The following BNC2 variants were observed in gnomAD, a reference collection of about 807,000 sequenced individuals.
BNC2 encodes the protein zinc finger protein basonuclin-2.
Under a neutral mutation model 76.3 loss-of-function variants are expected in BNC2, and 20 were observed. The ratio of observed to expected loss-of-function variants is 0.26; its 90% CI spans 0.18 to 0.38. BNC2 has a LOEUF of 0.38. BNC2 is among the 10% of genes least tolerant of loss of function. The pLI is 1.00. For synonymous variants in BNC2, 582 were observed against 514.8 expected (o/e 1.13, Z -1.77); for missense variants, 1,382 against 1,399.8 (o/e 0.99, Z 0.20).
chr9:16,489,864 CA>C, intron 5 of BNC2, among the ~76,000 whole-genome samples: 1 of 152,298 alleles, frequency 6.6e-6, no homozygotes, highest in East Asian at 1.9e-4. Context: ...ACTTACTACT[CA>C]AAACTACCGG....
intron 5 of BNC2, among the ~76,000 whole-genome samples, chr9:16,536,402 T>C (rs950116151): frequency 2.0e-5 from 3 of 152,224 alleles, no homozygotes; most frequent in Non-Finnish European, 4.4e-5. Flanking sequence ...TTCTTTTCTG[T>C]AGAAGGTCTC....
intron 3 of BNC2, among the ~76,000 whole-genome samples, chr9:16,676,153 A>C (rs1822634404): frequency 6.6e-6 from 1 of 152,212 alleles, no homozygotes; most frequent in Admixed American, 6.5e-5. Flanking sequence ...AGATTCCATT[A>C]TCTACTCAAA....
intron 5 of BNC2, among the ~76,000 whole-genome samples, chr9:16,530,578 C>T (rs891208988): frequency 8.5e-5 from 13 of 152,102 alleles, no homozygotes; most frequent in African/African-American, 2.9e-4. Flanking sequence ...CTGTCAAGAG[C>T]GGGAAAAGCA....
At chr9:16,501,595 C>T (rs1822520055) in intron 5 of BNC2, among the ~76,000 whole-genome samples, 1 of 152,144 alleles carries the variant, frequency 6.6e-6, no homozygotes, top group South Asian at 2.1e-4. Flanking sequence ...TAGAACTAAA[C>T]TCCAGTCTCC....
At chr9:16,626,216 T>A (rs1255272416) in intron 3 of BNC2, 1 of 152,118 alleles carries the variant, frequency 6.6e-6, no homozygotes, top group Non-Finnish European at 1.5e-5. Flanking sequence ...GAGGAACAAT[T>A]CAACAAGGCA....
chr9:16,684,917 G>T (rs190135449), intron 3 of BNC2, among the ~76,000 whole-genome samples: 2,099 of 146,576 alleles, frequency 0.014, 25 homozygotes, highest in Middle Eastern at 0.032. Flanking sequence ...AAAAAAAAAT[G>T]TACTTTGCTA....
chr9:16,789,359 T>C (rs900584740), intron 1 of BNC2, among the ~76,000 whole-genome samples: 5 of 152,136 alleles, frequency 3.3e-5, no homozygotes, highest in Non-Finnish European at 7.4e-5. Context: ...CATTTTACTG[T>C]GTATAAATTA....
At chr9:16,831,682 A>C (rs1818580686) in intron 1 of BNC2, among the ~76,000 whole-genome samples, 1 of 152,160 alleles carries the variant, frequency 6.6e-6, no homozygotes. Context: ...AGATACCCAT[A>C]TGAACAGATT....
chr9:16,501,113 CT>C (rs1478518172), intron 5 of BNC2, among the ~76,000 whole-genome samples: 6 of 102,868 alleles, frequency 5.8e-5, no homozygotes, highest in African/African-American at 2.9e-4. Flanking sequence ...AGTAATCATA[CT>C]TACTACAGAG....
Position 16,416,322 on chromosome 9 carries a change from A to G in BNC2, c.*2667T>C, listed in dbSNP as rs1236778464. 1 of 152,632 alleles carries G rather than the reference A, an allele frequency of 6.6e-6. No homozygotes were observed. Among genetic ancestry groups the G allele is most frequent in the Non-Finnish European group, 1.5e-5 (1 of 68,034 alleles). The allele number at this position is 152,632 out of a possible 1,614,324, so 9.5% of individuals were successfully genotyped here. ...CTATAATGTTTTGTTGGGATATTAA[A>G]AATCTTTTCCCACCCTTTTTGAATC... On this transcript the variant is annotated 3_prime_UTR_variant, in exon 7 of 7. Coordinates refer to ENST00000380672, the MANE Select transcript of BNC2 (RefSeq NM_017637.6).
intron 5 of BNC2, among the ~76,000 whole-genome samples, chr9:16,470,246 C>G (rs1370820341): frequency 1.3e-5 from 2 of 151,978 alleles, no homozygotes; most frequent in African/African-American, 4.8e-5. Flanking sequence ...ATCCGCCCAC[C>G]TCGGCCTCCG....
intron 5 of BNC2, among the ~76,000 whole-genome samples, chr9:16,543,570 C>T (rs1178141981): frequency 6.6e-6 from 1 of 152,192 alleles, no homozygotes; most frequent in African/African-American, 2.4e-5. Flanking sequence ...CCGGCAGTCA[C>T]TGCATTCCAT....
Position 16,531,264 on chromosome 9 carries a change from G to C in BNC2, c.669+21266C>G, listed in dbSNP as rs143372285. Among the ~76,000 whole-genome samples the C allele has an allele frequency of 1.1e-3, 167 of 152,236 alleles. 1 individual carries two copies. The Middle Eastern group carries it at 0.014, about 12-fold the overall frequency. On this transcript the variant is annotated intron_variant, in intron 5 of 6. Transcript: ENST00000380672. ...GCTACTTAAACCAAACACTCTCTGT[G>C]AGTTCAGTGGTTAGGCTTTTCCCTC...
chr9:16,429,144 A>G (rs904083090), intron 6 of BNC2, among the ~76,000 whole-genome samples: 1 of 152,134 alleles, frequency 6.6e-6, no homozygotes, highest in Admixed American at 6.5e-5. Context: ...TATTTCTGAG[A>G]AGGCTTTAAA....
intron 1 of BNC2, among the ~76,000 whole-genome samples, chr9:16,828,789 GA>G (rs1020411338): frequency 6.3e-4 from 96 of 152,308 alleles, no homozygotes; most frequent in African/African-American, 2.3e-3. Context: ...AAAATCACTG[GA>G]GGGAGGAAGA....
intron 1 of BNC2, among the ~76,000 whole-genome samples, chr9:16,801,403 A>ATT (rs11413212): frequency 1.4e-4 from 20 of 144,760 alleles, no homozygotes; most frequent in African/African-American, 3.0e-4. Context: ...TAATTTTTCT[A>ATT]TTTTTTTTTT....
intron 5 of BNC2, among the ~76,000 whole-genome samples, chr9:16,529,309 A>G (rs1401071242): frequency 6.6e-6 from 1 of 152,196 alleles, no homozygotes; most frequent in Non-Finnish European, 1.5e-5. Context: ...TATTTTTTAA[A>G]CAGTAGGATA....
chr9:16,532,222 GA>G (rs57317191), intron 5 of BNC2, among the ~76,000 whole-genome samples: 13,093 of 141,934 alleles, frequency 0.092, 1,172 homozygotes, highest in African/African-American at 0.23. Context: ...GAGACATACA[GA>G]AAAAAAAAAA....
rs552522198 is a variant in BNC2, at chr9:16,825,288, T to C, written c.3+45358A>G. 1.5e-4 allele frequency among the ~76,000 whole-genome samples: 23 copies of C among 152,258 alleles called. No individual in the cohort carries two copies. In the South Asian group the frequency reaches 4.8e-3, roughly 32 times the overall value. On this transcript the variant is annotated intron_variant, in intron 1 of 6. Coordinates refer to ENST00000380672, the MANE Select transcript of BNC2 (RefSeq NM_017637.6). ...GCTATCCTTAGTCACCCAAAAGCCA[T>C]TTCATCTGAAAATCAAAATTTATTT...
Sources: gnomAD v4.1 joint callset for allele counts (sites outside exome capture counted in the v4.1 genomes callset) on GRCh38, gnomAD v4.1.1 for gene constraint, MANE v1.5 for transcripts, NCBI Gene and HGNC (gene_info 2026-07-23, HGNC 2026-07-21) for gene names.